Variants in CNTN4 observed in about 807,000 individuals in gnomAD.
CNTN4 encodes contactin-4.
In CNTN4, 77 loss-of-function variants were observed where a neutral mutation model predicts 122.5. The observed-to-expected ratio is 0.63, with a 90% CI of 0.52 to 0.76. The LOEUF (loss-of-function observed/expected upper bound fraction) is 0.76. Ranked by LOEUF, CNTN4 falls within the 30% of genes least tolerant of loss-of-function variation. The pLI is 0.00. For missense variants in CNTN4, 1,256 were observed against 1,259.1 expected, an observed-to-expected ratio of 1.00 and a Z score of 0.04; for synonymous variants, 512 against 447.0, an observed-to-expected ratio of 1.15 and a Z score of -1.83.
At chr3:2,507,578 A>G (rs1401474589) in intron 3 of CNTN4, among the ~76,000 whole-genome samples, 2 of 151,800 alleles carry the variant, frequency 1.3e-5, no homozygotes, top group Non-Finnish European at 2.9e-5. Flanking sequence ...TACTAAAAAT[A>G]CAAAAAATTA....
intron 3 of CNTN4, among the ~76,000 whole-genome samples, chr3:2,388,688 T>G (rs966660501): frequency 6.6e-6 from 1 of 151,732 alleles, no homozygotes; most frequent in Non-Finnish European, 1.5e-5. Flanking sequence ...CTGCTAAAAA[T>G]ATAGAAATTA....
At position 2,554,255 on chromosome 3, in the gene CNTN4, G is replaced by T. The variant is rs2078629017; in HGVS notation, c.-88-17161G>T. Among the ~76,000 whole-genome samples the T allele has an allele frequency of 1.3e-5, 2 of 152,006 alleles. 1 individual carries two copies. Among genetic ancestry groups the T allele is most frequent in the South Asian group, 4.1e-4 (2 of 4,822 alleles). On this transcript the variant is annotated intron_variant, in intron 3 of 24. Coordinates refer to ENST00000418658, the MANE Select transcript of CNTN4 (RefSeq NM_175607.3). The stretch of plus-strand genomic sequence containing the variant: ...TAGGTATTTTAAGGTATTAGTTTCA[G>T]ACTTCCTTTTGGTAAATGTGTTTAT...
chr3:2,371,286 ACT>A (rs1361681714), intron 3 of CNTN4, among the ~76,000 whole-genome samples: 1 of 151,902 alleles, frequency 6.6e-6, no homozygotes, highest in African/African-American at 2.4e-5. Context: ...GTGCCATTCA[ACT>A]CTTTCTTTTG....
At chr3:2,855,847 C>CAG (rs112996067) in intron 7 of CNTN4, among the ~76,000 whole-genome samples, 8,530 of 152,170 alleles carry the variant, frequency 0.056, 371 homozygotes, top group African/African-American at 0.12. Flanking sequence ...AAAACTGCAC[C>CAG]AGAGTCAGAA....
Position 2,917,083 on chromosome 3 carries a change from C to T in CNTN4, c.1208-8546C>T, listed in dbSNP as rs866585834. Among the ~76,000 whole-genome samples, 10 of 128,056 alleles carry T rather than the reference C, an allele frequency of 7.8e-5. 1 individual carries two copies. Among genetic ancestry groups the T allele is most frequent in the African/African-American group, 2.4e-4 (8 of 33,858 alleles). The allele number at this position is 128,056 out of a possible 152,430, so 84.0% of individuals were successfully genotyped here. A position where few individuals can be genotyped will look rare whatever the true frequency, so the allele number is the denominator to read the frequency against. ...GGGAGGCCGAGGCTGGCGGATCACT[C>T]GCGGTTAGGAGCTGGAGACCAGCCC... On this transcript the variant is annotated intron_variant, in intron 12 of 24. Coordinates refer to ENST00000418658, the MANE Select transcript of CNTN4 (RefSeq NM_175607.3).
chr3:2,228,014 G>A (rs1575124761), intron 2 of CNTN4, among the ~76,000 whole-genome samples: 1 of 151,962 alleles, frequency 6.6e-6, no homozygotes, highest in Admixed American at 6.6e-5. Flanking sequence ...TTTAAATAGT[G>A]AAAACAAAAT....
At chr3:2,240,620 G>T (rs1274315310) in intron 2 of CNTN4, among the ~76,000 whole-genome samples, 2 of 152,012 alleles carry the variant, frequency 1.3e-5, no homozygotes, top group Non-Finnish European at 2.9e-5. Context: ...GACAGTGTCG[G>T]TTTCATATGA....
At chr3:3,004,220 CCA>C (rs1491483192) in intron 14 of CNTN4, among the ~76,000 whole-genome samples, 2 of 152,096 alleles carry the variant, frequency 1.3e-5, no homozygotes, top group Non-Finnish European at 2.9e-5. Context: ...GCTGTGATCT[CCA>C]GATGTCCTAG....
chr3:2,724,277 A>G (rs2088059353), intron 4 of CNTN4, among the ~76,000 whole-genome samples: 1 of 152,162 alleles, frequency 6.6e-6, no homozygotes, highest in Non-Finnish European at 1.5e-5. Flanking sequence ...CAAACTTTCA[A>G]TTAAAATACC....
chr3:2,135,400 G>A (rs1206889417), intron 2 of CNTN4, among the ~76,000 whole-genome samples: 3 of 152,202 alleles, frequency 2.0e-5, no homozygotes, highest in African/African-American at 7.2e-5. Flanking sequence ...TCAGCTTTAA[G>A]ATAGTAAATC....
At chr3:2,751,068 G>A (rs1022944357) in intron 6 of CNTN4, among the ~76,000 whole-genome samples, 10 of 152,104 alleles carry the variant, frequency 6.6e-5, no homozygotes, top group African/African-American at 1.7e-4. Context: ...TTGGGAGGCC[G>A]AGGCGAGTGG....
intron 3 of CNTN4, among the ~76,000 whole-genome samples, chr3:2,526,414 A>C (rs1575853394): frequency 6.6e-6 from 1 of 152,234 alleles, no homozygotes; most frequent in South Asian, 2.1e-4. Context: ...AAATACCAAA[A>C]TCATAGCCAT....
chr3:2,977,835 T>C (rs879899321), intron 13 of CNTN4, among the ~76,000 whole-genome samples: 6 of 152,202 alleles, frequency 3.9e-5, no homozygotes, highest in Admixed American at 2.0e-4. Flanking sequence ...GATGAGATCA[T>C]ACTGGATTGC....
At chr3:2,464,057 C>A (rs1559576037) in intron 3 of CNTN4, among the ~76,000 whole-genome samples, 1 of 152,144 alleles carries the variant, frequency 6.6e-6, no homozygotes. Context: ...TTTTGTACTT[C>A]TCAGACCATT....
At chr3:2,259,161 A>G (rs1204638179) in intron 2 of CNTN4, among the ~76,000 whole-genome samples, 1 of 151,928 alleles carries the variant, frequency 6.6e-6, no homozygotes. Context: ...TCTTTATGGT[A>G]CCTGGCTATG....
chr3:2,344,199 G>C (rs1410798585), intron 3 of CNTN4, among the ~76,000 whole-genome samples: 1 of 151,878 alleles, frequency 6.6e-6, no homozygotes, highest in African/African-American at 2.4e-5. Flanking sequence ...AAAATAAGCA[G>C]ATTGTCATTC....
At chr3:2,607,727 A>G (rs1200779232) in intron 4 of CNTN4, among the ~76,000 whole-genome samples, 1 of 151,740 alleles carries the variant, frequency 6.6e-6, no homozygotes, top group Non-Finnish European at 1.5e-5. Context: ...AGGAGGACCT[A>G]GTTGAATCTG....
Position 2,671,418 on chromosome 3 carries a change from C to T in CNTN4, c.56-64797C>T, listed in dbSNP as rs923932097. Among the ~76,000 whole-genome samples the T allele has an allele frequency of 4.6e-5, 7 of 152,178 alleles. No homozygotes were observed. In the South Asian group the frequency reaches 6.2e-4, roughly 14 times the overall value. The stretch of plus-strand genomic sequence containing the variant: ...GCTTGTGCGTTCGTCACATAGTTCT[C>T]GTGCCATGGTTTTCAGCTCCATCAG... On this transcript the variant is annotated intron_variant, in intron 4 of 24. Coordinates refer to ENST00000418658, the MANE Select transcript of CNTN4 (RefSeq NM_175607.3).
At chr3:2,201,246 T>G (rs971276618) in intron 2 of CNTN4, among the ~76,000 whole-genome samples, 4 of 152,166 alleles carry the variant, frequency 2.6e-5, no homozygotes, top group African/African-American at 9.7e-5. Flanking sequence ...TTACCTGTAA[T>G]TAGCTTCAAG....
Sources: allele counts gnomAD v4.1 joint callset (sites outside exome capture counted in the v4.1 genomes callset), GRCh38; gene constraint gnomAD v4.1.1; transcripts MANE v1.5; gene names NCBI Gene and HGNC (gene_info 2026-07-23, HGNC 2026-07-21).